The following RYR2 variants were observed in gnomAD, a reference collection of about 807,000 sequenced individuals.
The protein encoded by RYR2 is cardiac muscle ryanodine receptor-calcium release channel.
RYR2 carries 227 observed loss-of-function variants against 601.1 expected under a neutral mutation model. That is an observed-to-expected ratio of 0.38 (90% CI 0.34 to 0.42). The LOEUF (loss-of-function observed/expected upper bound fraction) is 0.42, where lower values mean the gene tolerates loss of function less well. Among genes scored for constraint, RYR2 ranks in the 10% least tolerant of loss-of-function variants. The pLI, the probability that RYR2 is intolerant of heterozygous loss-of-function variation, is 1.00. For synonymous variants in RYR2, 2,223 were observed against 2,175.1 expected (o/e 1.02, Z -0.61); for missense variants, 4,646 against 6,156.5 (o/e 0.75, Z 8.21).
At chr1:237,229,975 C>G (rs374348454) in intron 1 of RYR2, among the ~76,000 whole-genome samples, 10 of 152,088 alleles carry the variant, frequency 6.6e-5, no homozygotes, top group Non-Finnish European at 1.2e-4. Context: ...GATAGCCCCC[C>G]CTTTTTTTAT....
chr1:237,143,765 C>A (rs1673653130), intron 1 of RYR2, among the ~76,000 whole-genome samples: 1 of 152,144 alleles, frequency 6.6e-6, no homozygotes, highest in African/African-American at 2.4e-5. Flanking sequence ...ACTCAAATAC[C>A]CCCTGTCTGA....
chr1:237,578,508 G>A (rs1673519966), intron 29 of RYR2, among the ~76,000 whole-genome samples: 1 of 152,118 alleles, frequency 6.6e-6, no homozygotes, highest in Non-Finnish European at 1.5e-5. Context: ...GCCTTCTCTG[G>A]AAGCCTATTT....
At chr1:237,735,372 AT>A (rs1691050150) in intron 79 of RYR2, among the ~76,000 whole-genome samples, 1 of 152,050 alleles carries the variant, frequency 6.6e-6, no homozygotes, top group Non-Finnish European at 1.5e-5. Context: ...GAAGGGGATT[AT>A]TTTTGTTTGT....
In RYR2 at chr1:237,162,779, A is replaced by G. The variant is rs531949106; in HGVS notation, c.49-107718A>G. ...ACTTAGCCTGTTAAGTAGAGAAACA[A>G]TTTCCATAGGATAGGGTTTTGTGGG... On this transcript the variant is annotated intron_variant, in intron 1 of 104. Transcript: ENST00000366574. 9.9e-5 allele frequency among the ~76,000 whole-genome samples: 15 copies of G among 152,252 alleles called. No homozygotes were observed. In the South Asian group the frequency reaches 2.5e-3, roughly 25 times the overall value.
chr1:237,089,938 A>T (rs1666775826), intron 1 of RYR2, among the ~76,000 whole-genome samples: 1 of 152,220 alleles, frequency 6.6e-6, no homozygotes, highest in Non-Finnish European at 1.5e-5. Flanking sequence ...TGAATAATTT[A>T]TAAGAAAAGA....
At chr1:237,581,618 G>A (rs939112970) in intron 29 of RYR2, among the ~76,000 whole-genome samples, 1 of 152,290 alleles carries the variant, frequency 6.6e-6, no homozygotes, top group East Asian at 1.9e-4. Context: ...TATTGCAGCA[G>A]TTAGATTATT....
At chr1:237,670,334 G>A (rs958626312) in intron 58 of RYR2, among the ~76,000 whole-genome samples, 1 of 128,824 alleles carries the variant, frequency 7.8e-6, no homozygotes, top group African/African-American at 3.0e-5. Context: ...AGAGGGAGAG[G>A]GAGACGGGAG....
At chr1:237,460,866 G>A (rs915664361) in intron 16 of RYR2, among the ~76,000 whole-genome samples, 5 of 152,118 alleles carry the variant, frequency 3.3e-5, no homozygotes, top group Admixed American at 2.6e-4. Flanking sequence ...AAAATGCTCA[G>A]CATCGCATAT....
chr1:237,341,507 G>A (rs1163574675), intron 3 of RYR2: 1 of 368,038 alleles, frequency 2.7e-6, no homozygotes. Context: ...AACACCTTCT[G>A]AAGACTATGT....
intron 2 of RYR2, among the ~76,000 whole-genome samples, chr1:237,298,638 G>C (rs1009133224): frequency 6.6e-6 from 1 of 151,998 alleles, no homozygotes; most frequent in African/African-American, 2.4e-5. Flanking sequence ...CAACATAACA[G>C]AGTTATGTTA....
chr1:237,127,459 G>GA (rs1671591519), intron 1 of RYR2, among the ~76,000 whole-genome samples: 2 of 151,110 alleles, frequency 1.3e-5, no homozygotes, highest in African/African-American at 2.4e-5. Context: ...TGGCCGGGCA[G>GA]GGGGCTGACC....
chr1:237,092,035 G>A (rs1257648650), intron 1 of RYR2, among the ~76,000 whole-genome samples: 1 of 152,136 alleles, frequency 6.6e-6, no homozygotes, highest in East Asian at 1.9e-4. Context: ...TTTCTTCCTA[G>A]CTCTCTCTGG....
intron 1 of RYR2, among the ~76,000 whole-genome samples, chr1:237,192,911 C>T (rs949764180): frequency 6.6e-6 from 1 of 152,006 alleles, no homozygotes; most frequent in African/African-American, 2.4e-5. Flanking sequence ...GAATCCAAAC[C>T]TAATGACACA....
chr1:237,529,760 TACACACACACACACAC>T (rs71561882), intron 24 of RYR2, among the ~76,000 whole-genome samples: 1 of 134,492 alleles, frequency 7.4e-6, no homozygotes, highest in African/African-American at 2.8e-5. Context: ...AATAATATCA[TACACACACACACACAC>T]ACACACACAC....
chr1:237,439,538 G>C (rs2150138589), intron 12 of RYR2, among the ~76,000 whole-genome samples: 1 of 152,066 alleles, frequency 6.6e-6, no homozygotes, highest in East Asian at 1.9e-4. Context: ...CAGCTACTCG[G>C]GAGGCTGAGA....
chr1:237,639,949 GT>G (rs1360676142), intron 46 of RYR2, among the ~76,000 whole-genome samples: 2 of 152,212 alleles, frequency 1.3e-5, no homozygotes, highest in Admixed American at 6.5e-5. Flanking sequence ...GGGCATAGAT[GT>G]TCCATGTACA....
intron 48 of RYR2, among the ~76,000 whole-genome samples, chr1:237,644,468 A>G (rs10802628): frequency 1 from 151,751 of 151,932 alleles, 75,785 homozygotes; most frequent in Middle Eastern, 1. Context: ...TCCTGACCTC[A>G]CGATCCGCCT....
intron 12 of RYR2, among the ~76,000 whole-genome samples, chr1:237,436,454 C>CTTTTTTTTTTTTTTTTTTTGTTTTTTTTT (rs1707373045): frequency 2.1e-5 from 1 of 48,730 alleles, no homozygotes; most frequent in Non-Finnish European, 3.5e-5. Context: ...TGTGATTTTC[C>CTTTTTTTTTTTTTTTTTTTGTTTTTTTTT]TTTTTTTTTT....
intron 1 of RYR2, among the ~76,000 whole-genome samples, chr1:237,260,687 A>C (rs969399107): frequency 2.6e-5 from 4 of 152,180 alleles, no homozygotes; most frequent in African/African-American, 9.7e-5. Flanking sequence ...AAATAAAATA[A>C]ATAAAACACG....
Sources: allele counts gnomAD v4.1 joint callset (sites outside exome capture counted in the v4.1 genomes callset), GRCh38; gene constraint gnomAD v4.1.1; transcripts MANE v1.5; gene names NCBI Gene and HGNC (gene_info 2026-07-23, HGNC 2026-07-21).